ATXN1: variants seen among roughly 807,000 people sequenced by gnomAD.
ATXN1 encodes ataxin 1.
In ATXN1, 8 loss-of-function variants were observed where a neutral mutation model predicts 56.4. That is an observed-to-expected ratio of 0.14 (90% CI 0.08 to 0.26). ATXN1 has a LOEUF of 0.26. ATXN1 is among the 10% of genes least tolerant of loss of function. ATXN1 has a pLI of 1.00. For synonymous variants in ATXN1, 514 were observed against 494.6 expected (o/e 1.04, Z -0.52); for missense variants, 987 against 1,106.5 (o/e 0.89, Z 1.53).
intron 6 of ATXN1, among the ~76,000 whole-genome samples, chr6:16,479,354 G>A (rs1760390406): frequency 6.6e-6 from 1 of 152,288 alleles, no homozygotes; most frequent in East Asian, 1.9e-4. Flanking sequence ...TCTGGAAAAG[G>A]TTAACATAAT....
At chr6:16,514,612 G>A (rs187692367) in intron 5 of ATXN1, among the ~76,000 whole-genome samples, 1 of 152,282 alleles carries the variant, frequency 6.6e-6, no homozygotes, top group East Asian at 1.9e-4. Context: ...CTCGAAGGAA[G>A]GGAGGTGGGG....
chr6:16,430,706 G>GGT (rs554132123), intron 6 of ATXN1, among the ~76,000 whole-genome samples: 275 of 149,572 alleles, frequency 1.8e-3, no homozygotes, highest in African/African-American at 5.7e-3. Context: ...TGGTGCTGCT[G>GGT]GTGTGTGTGT....
chr6:16,727,172 A>G (rs1386331351), intron 2 of ATXN1, among the ~76,000 whole-genome samples: 1 of 152,222 alleles, frequency 6.6e-6, no homozygotes, highest in Non-Finnish European at 1.5e-5. Flanking sequence ...TATGTTAATT[A>G]AGCAAATTAA....
chr6:16,655,973 C>T (rs543431544), intron 3 of ATXN1, among the ~76,000 whole-genome samples: 1 of 151,782 alleles, frequency 6.6e-6, no homozygotes, highest in African/African-American at 2.4e-5. Flanking sequence ...ATCTGTAGTC[C>T]CAGCTACTCG....
chr6:16,659,783 A>C (rs1485755617), intron 2 of ATXN1, among the ~76,000 whole-genome samples: 1 of 152,184 alleles, frequency 6.6e-6, no homozygotes, highest in Non-Finnish European at 1.5e-5. Flanking sequence ...TGTTTTTGCC[A>C]TAAGAAAATA....
chr6:16,456,570 T>C (rs2113620049), intron 6 of ATXN1, among the ~76,000 whole-genome samples: 1 of 152,282 alleles, frequency 6.6e-6, no homozygotes, highest in Middle Eastern at 3.4e-3. Flanking sequence ...CAACAAAAAG[T>C]TGGTTGGCCC....
intron 3 of ATXN1, among the ~76,000 whole-genome samples, chr6:16,630,319 T>C (rs2113809665): frequency 6.6e-6 from 1 of 152,338 alleles, no homozygotes; most frequent in East Asian, 1.9e-4. Context: ...ATACCGTTGT[T>C]ATGCTGAAGT....
At chr6:16,531,325 T>TAA (rs1761499659) in intron 4 of ATXN1, among the ~76,000 whole-genome samples, 2 of 152,170 alleles carry the variant, frequency 1.3e-5, no homozygotes, top group Admixed American at 1.3e-4. Flanking sequence ...TCTGTGACTT[T>TAA]AAAAAGTGCA....
intron 2 of ATXN1, among the ~76,000 whole-genome samples, chr6:16,750,504 G>C (rs1022462143): frequency 1.3e-4 from 20 of 152,174 alleles, no homozygotes; most frequent in African/African-American, 4.1e-4. Flanking sequence ...GCCGTCAATC[G>C]TGAGGACTGT....
chr6:16,394,360 C>A lies in ATXN1; in HGVS notation c.-160-65890G>T, dbSNP rs991866009. ...TAGCCAGAAAAATAAATAAATAAATCTCTTCTTGGGAATATTTTCTAGAAT... is the reference window on the plus strand; with the variant it reads ...TAGCCAGAAAAATAAATAAATAAATATCTTCTTGGGAATATTTTCTAGAAT... On this transcript the variant is annotated intron_variant, in intron 6 of 7. Transcript: ENST00000436367. Among the ~76,000 whole-genome samples the A allele has an allele frequency of 3.9e-5, 6 of 152,204 alleles. No homozygotes were observed. In the South Asian group the frequency reaches 1.0e-3, roughly 26 times the overall value.
At chr6:16,661,749 A>T (rs545673013) in intron 2 of ATXN1, among the ~76,000 whole-genome samples, 1 of 152,260 alleles carries the variant, frequency 6.6e-6, no homozygotes, top group East Asian at 1.9e-4. Flanking sequence ...CCAGGCTGTG[A>T]TGCAGTCCTG....
At chr6:16,566,727 G>T (rs1187959351) in intron 4 of ATXN1, among the ~76,000 whole-genome samples, 2 of 152,018 alleles carry the variant, frequency 1.3e-5, no homozygotes, top group African/African-American at 4.8e-5. Flanking sequence ...ATGGTGGTGG[G>T]TTCCTGTAAT....
At chr6:16,442,329 T>C (rs1011620679) in intron 6 of ATXN1, among the ~76,000 whole-genome samples, 2 of 152,116 alleles carry the variant, frequency 1.3e-5, no homozygotes, top group African/African-American at 4.8e-5. Context: ...AGGCAACCAG[T>C]CTGGCTGGAA....
chr6:16,481,809 G>T (rs879256580), intron 6 of ATXN1, among the ~76,000 whole-genome samples: 5 of 152,046 alleles, frequency 3.3e-5, no homozygotes, highest in Admixed American at 1.3e-4. Flanking sequence ...TCCCTACTTT[G>T]AAAAGAAATA....
intron 6 of ATXN1, among the ~76,000 whole-genome samples, chr6:16,439,333 T>C (rs1224589934): frequency 3.5e-5 from 1 of 28,440 alleles, no homozygotes; most frequent in East Asian, 2.3e-3. Flanking sequence ...AGAGACTTCT[T>C]TTCGCGGGGG....
At chr6:16,451,907 G>C (rs1424312476) in intron 6 of ATXN1, among the ~76,000 whole-genome samples, 2 of 152,158 alleles carry the variant, frequency 1.3e-5, no homozygotes, top group Non-Finnish European at 2.9e-5. Context: ...TCTATCTTCA[G>C]TCTTGCTGTC....
rs141110236 is a variant in ATXN1 at position 16,433,972 on chromosome 6, A to C, written c.-161+52000T>G. Among the ~76,000 whole-genome samples the C allele has an allele frequency of 5.5e-3, 838 of 152,344 alleles. 7 individuals are homozygous for C. Among genetic ancestry groups the C allele is most frequent in the African/African-American group, 0.019 (797 of 41,574 alleles). On this transcript the variant is annotated intron_variant, in intron 6 of 7. Transcript: ENST00000436367. ...CAAGCACTCAGCAAACATGGATGCC[A>C]AACTATTATCTCATAATTCAATGTG...
chr6:16,600,411 G>A (rs1408916256), intron 3 of ATXN1, among the ~76,000 whole-genome samples: 1 of 152,148 alleles, frequency 6.6e-6, no homozygotes, highest in East Asian at 1.9e-4. Flanking sequence ...ATTTCTCCGT[G>A]ATATTAGCTA....
intron 7 of ATXN1, among the ~76,000 whole-genome samples, chr6:16,309,168 C>T (rs1362741973): frequency 6.7e-6 from 1 of 149,786 alleles, no homozygotes; most frequent in African/African-American, 2.5e-5. Context: ...TTAGAGGTTG[C>T]AGTGAGCTAT....
Sources: gnomAD v4.1 joint callset for allele counts (sites outside exome capture counted in the v4.1 genomes callset) on GRCh38, gnomAD v4.1.1 for gene constraint, MANE v1.5 for transcripts, NCBI Gene and HGNC (gene_info 2026-07-23, HGNC 2026-07-21) for gene names.